The following HCN4 variants were observed in gnomAD, a reference collection of about 807,000 sequenced individuals.
HCN4 encodes hyperpolarization activated cyclic nucleotide gated potassium channel 4.
HCN4 carries 29 observed loss-of-function variants against 76.9 expected under a neutral mutation model. That is an observed-to-expected ratio of 0.38 (90% confidence interval 0.28 to 0.51). HCN4 has a LOEUF of 0.51. Among genes scored for constraint, HCN4 ranks in the 20% least tolerant of loss-of-function variants. The pLI is 0.90. For missense variants in HCN4, 1,416 were observed against 1,715.2 expected (o/e 0.83, Z 3.08); for synonymous variants, 772 against 762.5 (o/e 1.01, Z -0.21).
At chr15:73,363,349 G>A (rs1200578084) in intron 1 of HCN4, among the ~76,000 whole-genome samples, 5 of 152,194 alleles carry the variant, frequency 3.3e-5, no homozygotes, top group African/African-American at 1.2e-4. Flanking sequence ...AGTCCCAAGG[G>A]AGAACCCCTT....
In HCN4 at chr15:73,343,882, A is replaced by G. The variant is rs528310908; in HGVS notation, c.786-74T>C. On this transcript the variant is annotated intron_variant, in intron 1 of 7. Coordinates refer to ENST00000261917, the MANE Select transcript of HCN4 (RefSeq NM_005477.3). The surrounding 1 kb of genome is among the most constrained non-coding windows in gnomAD (Gnocchi z 5.7). ...TTACAGACTAAGGGAGGAAGATCTG[A>G]GGGACAGCATCTGGGACAGAGAAGT... 1.3e-6 allele frequency: 2 copies of G among 1,495,228 alleles called. No homozygotes were observed. Among genetic ancestry groups the G allele is most frequent in the East Asian group, 4.5e-5 (2 of 44,308 alleles). The allele number at this position is 1,495,228 out of a possible 1,614,324, so 92.6% of individuals were successfully genotyped here.
At chr15:73,324,514 C>T (rs2042887008) in intron 6 of HCN4, among the ~76,000 whole-genome samples, 1 of 152,248 alleles carries the variant, frequency 6.6e-6, no homozygotes, top group Non-Finnish European at 1.5e-5. Context: ...CTAATCCCAG[C>T]ATGATGGTAT....
At chr15:73,346,243 T>A (rs180975890) in intron 1 of HCN4, among the ~76,000 whole-genome samples, 109 of 152,274 alleles carry the variant, frequency 7.2e-4, no homozygotes, top group African/African-American at 2.4e-3. Flanking sequence ...CAGGGTTCGA[T>A]TCCTGCTCCA....
At chr15:73,357,583 C>T (rs981928815) in intron 1 of HCN4, among the ~76,000 whole-genome samples, 5 of 152,060 alleles carry the variant, frequency 3.3e-5, no homozygotes, top group African/African-American at 4.8e-5. Flanking sequence ...GGCCCTTTCC[C>T]GGATGGCATT....
At chr15:73,347,407 C>T (rs1323761804) in intron 1 of HCN4, among the ~76,000 whole-genome samples, 1 of 152,126 alleles carries the variant, frequency 6.6e-6, no homozygotes, top group African/African-American at 2.4e-5. Flanking sequence ...GGCAGCCTAC[C>T]ACAGCAGGTG....
At chr15:73,333,994 T>C (rs1192173117) in intron 2 of HCN4, among the ~76,000 whole-genome samples, 1 of 152,200 alleles carries the variant, frequency 6.6e-6, no homozygotes, top group East Asian at 1.9e-4. Flanking sequence ...CTCTCAGCAG[T>C]TCCATTTTGT....
At chr15:73,330,611 C>T (rs1319331037) in intron 3 of HCN4, among the ~76,000 whole-genome samples, 2 of 152,220 alleles carry the variant, frequency 1.3e-5, no homozygotes, top group Non-Finnish European at 2.9e-5. Context: ...GGCCACCTCC[C>T]TGGTGTCTTT....
Position 73,343,912 on chromosome 15 carries a change from G to T in HCN4, c.786-104C>A. On this transcript the variant is annotated intron_variant, in intron 1 of 7. Coordinates refer to ENST00000261917, the MANE Select transcript of HCN4 (RefSeq NM_005477.3). The surrounding 1 kb of genome is among the most constrained non-coding windows in gnomAD (Gnocchi z 5.7). Reference sequence around the variant, plus strand: ...CAGCATCTGGGACAGAGAAGTCTTGGGAGGTTCTGAGACAGGAAGACAGGC... The same window carrying T: ...CAGCATCTGGGACAGAGAAGTCTTGTGAGGTTCTGAGACAGGAAGACAGGC... 7.8e-7 allele frequency: 1 copy of T among 1,278,676 alleles called. No homozygotes were observed. 79.2% of individuals were successfully genotyped at this position (1,278,676 alleles called of 1,614,324 possible).
Position 73,320,838 on chromosome 15 carries a change from C to T in HCN4, c.*1643G>A, listed in dbSNP as rs996781682. 2 of 152,328 alleles carry T rather than the reference C, an allele frequency of 1.3e-5. No individual in the cohort carries two copies. Among genetic ancestry groups the T allele is most frequent in the Non-Finnish European group, 2.9e-5 (2 of 68,132 alleles). The allele number at this position is 152,328 out of a possible 1,614,324, so 9.4% of individuals were successfully genotyped here. A position where few individuals can be genotyped will look rare whatever the true frequency, so the allele number is the denominator to read the frequency against. On this transcript the variant is annotated 3_prime_UTR_variant, in exon 8 of 8. Transcript: ENST00000261917. ...CTCTCTCCCTGTTGAAGTCTTCCCACTTCTCAAGGCCTGGCTCCCACCCAC... is the reference window on the plus strand; with the variant it reads ...CTCTCTCCCTGTTGAAGTCTTCCCATTTCTCAAGGCCTGGCTCCCACCCAC...
chr15:73,367,646 C>G lies in HCN4; in HGVS notation c.625G>C (p.Gly209Arg). 6.2e-7 allele frequency: 1 copy of G among 1,611,042 alleles called. No individual in the cohort carries two copies. The highest frequency in any genetic ancestry group is 8.5e-7 in the Non-Finnish European group (1 of 1,179,940). The change falls in exon 1 of 8, where the codon GGC becomes CGC. Residue 209 changes from glycine (G) to arginine (R), a missense_variant. By Grantham distance (125) the Gly-to-Arg change is moderately radical (BLOSUM62 -2). Transcript: ENST00000261917. This position sits in a 1 kb window ranked among gnomAD's most constrained non-coding sequence, Gnocchi z 7.5. ...TGGCGCTGCATGAAGCCGGCCTGGC[C>G]CAGGCGCACCTCGGCCTCCGGGAGG... ...QILPEAEVRL[G>R]QAGFMQRQFG...
chr15:73,350,079 C>A (rs528634278), intron 1 of HCN4, among the ~76,000 whole-genome samples: 1 of 152,206 alleles, frequency 6.6e-6, no homozygotes, highest in Non-Finnish European at 1.5e-5. Context: ...TCTTGTACAC[C>A]CTGCCCTTCT....
intron 4 of HCN4, among the ~76,000 whole-genome samples, chr15:73,326,334 G>C (rs1019107998): frequency 6.6e-6 from 1 of 152,196 alleles, no homozygotes; most frequent in Non-Finnish European, 1.5e-5. Context: ...ACGCACAACT[G>C]CTGCACAGAA....
chr15:73,322,934 G>T lies in HCN4; in HGVS notation c.3159C>A (p.Leu1053=). The change falls in exon 8 of 8, where the codon CTC becomes CTA. Residue 1053 remains leucine (L), a synonymous_variant. Transcript: ENST00000261917. ...GTGGGGGGCTGGATGCAGGTGGCAGGAGCAAGGATCCGTGGGAGCCAGAGG... is the reference window on the plus strand; with the variant it reads ...GTGGGGGGCTGGATGCAGGTGGCAGTAGCAAGGATCCGTGGGAGCCAGAGG... ...PRASGSHGSL[L]LPPASSPPPP... 7.1e-7 allele frequency: 1 copy of T among 1,418,392 alleles called. No individual in the cohort carries two copies. The highest frequency in any genetic ancestry group is 9.3e-7 in the Non-Finnish European group (1 of 1,076,622). The allele number at this position is 1,418,392 out of a possible 1,614,324, so 87.9% of individuals were successfully genotyped here.
chr15:73,331,196 C>T (rs11634147), intron 3 of HCN4, among the ~76,000 whole-genome samples: 47,188 of 152,084 alleles, frequency 0.31, 8,973 homozygotes, highest in Admixed American at 0.44. Context: ...CACAGGGGGA[C>T]TGGAAACTCT....
chr15:73,367,877 T>G lies in HCN4; in HGVS notation c.394A>C (p.Ile132Leu), dbSNP rs772764704. 12 of 1,345,682 alleles carry G rather than the reference T, an allele frequency of 8.9e-6. No homozygotes were observed. The African/African-American group carries it at 1.1e-4, about 12-fold the overall frequency. 83.4% of individuals were successfully genotyped at this position (1,345,682 alleles called of 1,614,324 possible). The change falls in exon 1 of 8, where the codon ATC becomes CTC. Residue 132 changes from isoleucine (I) to leucine (L), a missense_variant. Coordinates refer to ENST00000261917, the MANE Select transcript of HCN4 (RefSeq NM_005477.3). This position sits in a 1 kb window ranked among gnomAD's most constrained non-coding sequence, Gnocchi z 7.5. ...CCGGGGGACGCGTCGCCCTCGGCGA[T>G]GAGCCGCCGCTCCTCCGCGGAGTCA... is the stretch of plus-strand genomic sequence containing the variant. ...LHDSAEERRL[I>L]AEGDASPGED...
intron 3 of HCN4, 108 bp downstream of exon 3, chr15:73,332,023 C>G: frequency 9.2e-7 from 1 of 1,091,742 alleles, no homozygotes; most frequent in East Asian, 2.4e-5. Context: ...AGGCAGCACT[C>G]AGGGTCCTAC....
intron 2 of HCN4, among the ~76,000 whole-genome samples, chr15:73,341,470 T>C (rs2043002518): frequency 6.6e-6 from 1 of 152,200 alleles, no homozygotes. Context: ...ACAGTTCTTC[T>C]GCACCAGGCT....
At chr15:73,344,894 G>A (rs750596053) in intron 1 of HCN4, among the ~76,000 whole-genome samples, 23 of 152,218 alleles carry the variant, frequency 1.5e-4, no homozygotes, top group Non-Finnish European at 3.2e-4. Context: ...GCCATCCCAG[G>A]GCTGGCCCCA....
Position 73,346,649 on chromosome 15 carries a change from C to A in HCN4, c.786-2841G>T, listed in dbSNP as rs535962266. 3.3e-5 allele frequency among the ~76,000 whole-genome samples: 5 copies of A among 152,224 alleles called. 1 individual carries two copies. The highest frequency in any genetic ancestry group is 1.2e-4 in the African/African-American group (5 of 41,538). On this transcript the variant is annotated intron_variant, in intron 1 of 7. Transcript: ENST00000261917. ...CTCATGGTCTGGTCAGAGCGCAAGG[C>A]TTGGATAGAAGGCAATTGGCAATGG...
Sources: gnomAD v4.1 joint callset for allele counts (sites outside exome capture counted in the v4.1 genomes callset) on GRCh38, gnomAD v4.1.1 for gene constraint, Gnocchi (gnomAD v3.1) non-coding constraint, MANE v1.5 for transcripts, NCBI Gene and HGNC (gene_info 2026-07-23, HGNC 2026-07-21) for gene names.